Variants in ZFTA observed in about 807,000 individuals in gnomAD.
ZFTA encodes zinc finger translocation associated.
In ZFTA, 35 loss-of-function variants were observed where a neutral mutation model predicts 41.8. The observed-to-expected ratio is 0.84, with a 90% CI of 0.64 to 1.11. The LOEUF (loss-of-function observed/expected upper bound fraction) is 1.11, where lower values mean the gene tolerates loss of function less well. Ranked by LOEUF, ZFTA falls within the 50% of genes most tolerant of loss-of-function variation. The pLI is 0.00. For missense variants in ZFTA, 964 were observed against 989.8 expected, an observed-to-expected ratio of 0.97 and a Z score of 0.35; for synonymous variants, 514 against 436.4, an observed-to-expected ratio of 1.18 and a Z score of -2.22.
At position 63,765,116 on chromosome 11, in the gene ZFTA, C is replaced by G; in HGVS notation, c.776G>C (p.Arg259Thr). ...CCAGTTCTGCAGGGACTCCTTCAGC[C>G]TCCTCTCCAGGCGCCGGGCCCCCAG... ...RGLGARRLER[R>T]LKESLQNWFR... Residue 259 changes from arginine to threonine, a missense_variant, in exon 3 of 5, where the codon AGG becomes ACG. Transcript: ENST00000433688. This position sits in a 1 kb window ranked among gnomAD's most constrained non-coding sequence, Gnocchi z 4.0. The G allele has an allele frequency of 6.5e-7, 1 of 1,548,214 alleles. No homozygotes were observed. The highest frequency in any genetic ancestry group is 1.4e-5 in the African/African-American group (1 of 73,034).
chr11:63,765,023 C>T lies in ZFTA; in HGVS notation c.869G>A (p.Arg290Gln), dbSNP rs2014721619. 3 of 1,548,802 alleles carry T rather than the reference C, an allele frequency of 1.9e-6. No homozygotes were observed. The highest frequency in any genetic ancestry group is 1.2e-5 in the South Asian group (1 of 83,994). Residue 290 changes from arginine (R) to glutamine (Q), a missense_variant, in exon 3 of 5, where the codon CGG (arginine) becomes CAG (glutamine). Arg to Gln is a conservative substitution (Grantham distance 43). Around this residue, in one of 5 missense-constraint regions of ZFTA, gnomAD observed 584 missense variants for 523.1 expected, o/e 1.12. Coordinates refer to ENST00000433688, the MANE Select transcript of ZFTA (RefSeq NM_001144936.2). This position sits in a 1 kb window ranked among gnomAD's most constrained non-coding sequence, Gnocchi z 4.0. ...GNRLVCMACG[R>Q]ALPSLHLDDI... The stretch of plus-strand genomic sequence containing the variant: ...GTCCAGGTGCAGGCTGGGCAGTGCC[C>T]GGCCACAGGCCATGCACACCAGCCG...
chr11:63,764,021 C>G lies in ZFTA; in HGVS notation c.1585+17G>C. On this transcript the variant is annotated intron_variant, in intron 4 of 4. Coordinates refer to ENST00000433688, the MANE Select transcript of ZFTA (RefSeq NM_001144936.2). ...GCCCGGCTCTCCCTCTCCGCCTGCT[C>G]TGGCCCCACCGCTCACCCCACTCCT... 1 of 1,319,744 alleles carries G rather than the reference C, an allele frequency of 7.6e-7. No individual in the cohort carries two copies. Among genetic ancestry groups the G allele is most frequent in the South Asian group, 1.8e-5 (1 of 54,608 alleles). 81.8% of individuals were successfully genotyped at this position (1,319,744 alleles called of 1,614,324 possible).
rs1047109729 is a variant in ZFTA, at chr11:63,764,586, G to C, written c.1037C>G (p.Ala346Gly). The change falls in exon 4 of 5, where the codon GCC becomes GGC. Residue 346 changes from alanine to glycine, a missense_variant. Coordinates refer to ENST00000433688, the MANE Select transcript of ZFTA (RefSeq NM_001144936.2). ...GCTCTTTCCGGTCAGGTCCTGGGGG[G>C]CGAGGTCATCGCCTGTTGGGGAAGG... ...LTQSPPGDDL[A>G]PQDLTGKSRD... 8.0e-7 allele frequency: 1 copy of C among 1,255,908 alleles called. No individual in the cohort carries two copies. The highest frequency in any genetic ancestry group is 1.0e-6 in the Non-Finnish European group (1 of 997,278). 77.8% of individuals were successfully genotyped at this position (1,255,908 alleles called of 1,614,324 possible).
Position 63,760,808 on chromosome 11 carries a change from C to G in ZFTA, c.*2610G>C, listed in dbSNP as rs531115666. 6 of 152,340 alleles carry G rather than the reference C, an allele frequency of 3.9e-5. No individual in the cohort carries two copies. The South Asian group carries it at 1.0e-3, about 26-fold the overall frequency. The allele number at this position is 152,340 out of a possible 1,614,324, so 9.4% of individuals were successfully genotyped here. ...CTAGGCCCCAACCAAGTTTCTGATTCAGTAACCCTGGGGTATGGCCCAAGA... is the reference window on the plus strand; with the variant it reads ...CTAGGCCCCAACCAAGTTTCTGATTGAGTAACCCTGGGGTATGGCCCAAGA... On this transcript the variant is annotated 3_prime_UTR_variant, in exon 5 of 5. Coordinates refer to ENST00000433688, the MANE Select transcript of ZFTA (RefSeq NM_001144936.2).
At chr11:63,767,918 G>T (rs1480068288) in intron 1 of ZFTA, among the ~76,000 whole-genome samples, 1 of 152,178 alleles carries the variant, frequency 6.6e-6, no homozygotes, top group East Asian at 1.9e-4. Context: ...GGGAAAAGAT[G>T]GTGTGGGCCC....
In ZFTA at chr11:63,763,495, C is replaced by A. The variant is rs2014686272; in HGVS notation, c.1960G>T (p.Glu654Ter). The change falls in exon 5 of 5, where the codon GAG (glutamate) becomes TAG (stop). Residue 654 changes from glutamate (E) to a stop codon, truncating the protein, a stop_gained. Transcript: ENST00000433688. LOFTEE classifies it high-confidence loss of function. ...EEAALRCYGH[E>*]GFGPPAPAPR... is the part of the protein sequence containing the mutation. The stretch of plus-strand genomic sequence containing the variant: ...GCCGGGGCGGGCGGCCCGAAGCCCT[C>A]GTGGCCGTAGCAGCGCAGCGCCGCC... 2.6e-6 allele frequency: 4 copies of A among 1,532,968 alleles called. No individual in the cohort carries two copies. Among genetic ancestry groups the A allele is most frequent in the Non-Finnish European group, 3.5e-6 (4 of 1,137,928 alleles). The allele number at this position is 1,532,968 out of a possible 1,614,324, so 95.0% of individuals were successfully genotyped here.
At chr11:63,764,653 G>C in intron 3 of ZFTA, 55 bp from the exon 4 acceptor site, 1 of 1,269,496 alleles carries the variant, frequency 7.9e-7, no homozygotes, top group East Asian at 3.1e-5. Flanking sequence ...GGTTGCCCTT[G>C]CCCACTCAGA....
Position 63,765,717 on chromosome 11 carries a change from A to C in ZFTA, c.637+90T>G. 6.3e-6 allele frequency: 9 copies of C among 1,417,576 alleles called. No homozygotes were observed. The highest frequency in any genetic ancestry group is 8.3e-6 in the Non-Finnish European group (9 of 1,087,742). The allele number at this position is 1,417,576 out of a possible 1,614,324, so 87.8% of individuals were successfully genotyped here. ...CAGAGGAGGAGCAGTGCCTTGCTCA[A>C]GAACACCAGCTCCTTGGCAGAGCAG... On this transcript the variant is annotated intron_variant, in intron 2 of 4. Coordinates refer to ENST00000433688, the MANE Select transcript of ZFTA (RefSeq NM_001144936.2). This position sits in a 1 kb window ranked among gnomAD's most constrained non-coding sequence, Gnocchi z 4.0.
chr11:63,763,672 C>A lies in ZFTA; in HGVS notation c.1783G>T (p.Gly595Cys). The A allele has an allele frequency of 6.5e-7, 1 of 1,541,770 alleles. No homozygotes were observed. The highest frequency in any genetic ancestry group is 8.7e-7 in the Non-Finnish European group (1 of 1,142,896). Residue 595 changes from glycine to cysteine, a missense_variant, in exon 5 of 5, where the codon GGC (glycine) becomes TGC (cysteine). Gly to Cys is a radical substitution (Grantham distance 159). Transcript: ENST00000433688. ...ATACACACCAGGCCGCGCCGGCTGC[C>A]GTCGTAGTCCATCAGGTACTCGCCC... ...WRGEYLMDYDGSRRGLVCMVC... is the reference protein window; with the variant it reads ...WRGEYLMDYDCSRRGLVCMVC...
rs2014733433 is a variant in ZFTA at position 63,765,723 on chromosome 11, C to T, written c.637+84G>A. Reference sequence around the variant, plus strand: ...AGGAGCAGTGCCTTGCTCAAGAACACCAGCTCCTTGGCAGAGCAGCTGGCC... The same window carrying T: ...AGGAGCAGTGCCTTGCTCAAGAACATCAGCTCCTTGGCAGAGCAGCTGGCC... On this transcript the variant is annotated intron_variant, in intron 2 of 4. Coordinates refer to ENST00000433688, the MANE Select transcript of ZFTA (RefSeq NM_001144936.2). The surrounding 1 kb of genome is among the most constrained non-coding windows in gnomAD (Gnocchi z 4.0). 1 of 1,420,608 alleles carries T rather than the reference C, an allele frequency of 7.0e-7. No homozygotes were observed. Among genetic ancestry groups the T allele is most frequent in the East Asian group, 2.6e-5 (1 of 38,932 alleles). The allele number at this position is 1,420,608 out of a possible 1,614,324, so 88.0% of individuals were successfully genotyped here.
chr11:63,764,041 ACTC>A lies in ZFTA; in HGVS notation c.1579_1581del (p.Glu527del), dbSNP rs747555071. 2,641 of 1,265,576 alleles carry A rather than the reference ACTC, an allele frequency of 2.1e-3. No individual in the cohort carries two copies. Among genetic ancestry groups the A allele is most frequent in the South Asian group, 4.4e-3 (203 of 46,260 alleles). The allele number at this position is 1,265,576 out of a possible 1,614,324, so 78.4% of individuals were successfully genotyped here. On this transcript the variant is annotated inframe_deletion, in exon 4 of 5. Coordinates refer to ENST00000433688, the MANE Select transcript of ZFTA (RefSeq NM_001144936.2). Reference sequence around the variant, plus strand: ...CTGCTCTGGCCCCACCGCTCACCCCACTCCTCCTCCTCCTCCTCTGGCTCCTCC... The same window carrying A: ...CTGCTCTGGCCCCACCGCTCACCCCACTCCTCCTCCTCCTCTGGCTCCTCC...
Position 63,765,378 on chromosome 11 carries a change from T to A in ZFTA, c.638-124A>T. 8.8e-7 allele frequency: 1 copy of A among 1,130,380 alleles called. No individual in the cohort carries two copies. Among genetic ancestry groups the A allele is most frequent in the Non-Finnish European group, 1.2e-6 (1 of 843,186 alleles). The allele number at this position is 1,130,380 out of a possible 1,614,324, so 70.0% of individuals were successfully genotyped here. The stretch of plus-strand genomic sequence containing the variant: ...GGCCTAACCTTTGCCCTTCTCTTCC[T>A]CTCTCCTGAAATCCTAACTCCCTAA... On this transcript the variant is annotated intron_variant, in intron 2 of 4. Transcript: ENST00000433688. The surrounding 1 kb of genome is among the most constrained non-coding windows in gnomAD (Gnocchi z 4.0).
In ZFTA at chr11:63,768,544, C is replaced by A; in HGVS notation, c.79G>T (p.Gly27Cys). The A allele has an allele frequency of 8.7e-6, 10 of 1,146,168 alleles. No individual in the cohort carries two copies. Among genetic ancestry groups the A allele is most frequent in the Non-Finnish European group, 1.1e-5 (10 of 929,996 alleles). The allele number at this position is 1,146,168 out of a possible 1,614,324, so 71.0% of individuals were successfully genotyped here. A position where few individuals can be genotyped will look rare whatever the true frequency, so the allele number is the denominator to read the frequency against. ...GPGPAVASARGRRLPPAGSSG... is the reference protein window; with the variant it reads ...GPGPAVASARCRRLPPAGSSG... ...GATCCGGCGGGCGGCAGCCGTCGGC[C>A]CCGTGCCGAGGCCACTGCTGGCCCG... is the stretch of plus-strand genomic sequence containing the variant. The change falls in exon 1 of 5, where the codon GGC becomes TGC. Residue 27 changes from glycine (G) to cysteine (C), a missense_variant. By Grantham distance (159) the Gly-to-Cys change is radical. Transcript: ENST00000433688.
chr11:63,765,261 G>C lies in ZFTA; in HGVS notation c.638-7C>G. 6.9e-7 allele frequency: 1 copy of C among 1,443,416 alleles called. No homozygotes were observed. The highest frequency in any genetic ancestry group is 9.0e-7 in the Non-Finnish European group (1 of 1,105,164). The allele number at this position is 1,443,416 out of a possible 1,614,324, so 89.4% of individuals were successfully genotyped here. ...CCACCAGCTGGGGCTTTGCCTGAAA[G>C]GGTTGGAGGGAAGGAACTGAGACGC... On this transcript the variant is annotated splice_polypyrimidine_tract_variant and splice_region_variant and intron_variant, in intron 2 of 4. Coordinates refer to ENST00000433688, the MANE Select transcript of ZFTA (RefSeq NM_001144936.2). This position sits in a 1 kb window ranked among gnomAD's most constrained non-coding sequence, Gnocchi z 4.0.
intron 1 of ZFTA, among the ~76,000 whole-genome samples, chr11:63,768,238 C>T (rs1416005728): frequency 6.6e-6 from 1 of 151,192 alleles, no homozygotes; most frequent in Non-Finnish European, 1.5e-5. Flanking sequence ...AGGCGGGGCG[C>T]TGCGGGCGGC....
In ZFTA at chr11:63,764,266, T is replaced by C. The variant is rs2014706509; in HGVS notation, c.1357A>G (p.Thr453Ala). The C allele has an allele frequency of 2.7e-6, 4 of 1,462,510 alleles. No homozygotes were observed. Among genetic ancestry groups the C allele is most frequent in the South Asian group, 1.3e-5 (1 of 76,536 alleles). The allele number at this position is 1,462,510 out of a possible 1,614,324, so 90.6% of individuals were successfully genotyped here. ...CGCCGGCGGATGTGGCGCTCGATGG[T>C]GCTCATCTTGAGCGAGGCCAGCGCG... ...GGALASLKMS[T>A]IERHIRRRHP... The change falls in exon 4 of 5, where the codon ACC (threonine) becomes GCC (alanine). Residue 453 changes from threonine (T) to alanine (A), a missense_variant. Physicochemically the swap from Thr to Ala is moderately conservative, Grantham distance 58 (BLOSUM62 0). Coordinates refer to ENST00000433688, the MANE Select transcript of ZFTA (RefSeq NM_001144936.2).
Position 63,764,204 on chromosome 11 carries a change from C to T in ZFTA, c.1419G>A (p.Gln473=), listed in dbSNP as rs1181889529. ...PGSTRLGGPV[Q]ALIAREWSEK... Reference sequence around the variant, plus strand: ...CGCTCCACTCCCGGGCGATGAGGGCCTGGACAGGCCCGCCGAGGCGCGTGG... The same window carrying T: ...CGCTCCACTCCCGGGCGATGAGGGCTTGGACAGGCCCGCCGAGGCGCGTGG... The change falls in exon 4 of 5, where the codon CAG becomes CAA. Residue 473 remains glutamine, a synonymous_variant. Coordinates refer to ENST00000433688, the MANE Select transcript of ZFTA (RefSeq NM_001144936.2). 1 of 1,411,622 alleles carries T rather than the reference C, an allele frequency of 7.1e-7. No homozygotes were observed. 87.4% of individuals were successfully genotyped at this position (1,411,622 alleles called of 1,614,324 possible).
chr11:63,763,896 G>A (rs1185721482), intron 4 of ZFTA, 27 bp from the exon 5 acceptor site: 1 of 1,411,302 alleles, frequency 7.1e-7, no homozygotes, highest in Non-Finnish European at 9.2e-7. Context: ...GACCGCATTG[G>A]CGACGGCGGG....
At position 63,766,015 on chromosome 11, in the gene ZFTA, G is replaced by A; in HGVS notation, c.429C>T (p.Arg143=). 1 of 1,551,500 alleles carries A rather than the reference G, an allele frequency of 6.4e-7. No homozygotes were observed. The highest frequency in any genetic ancestry group is 8.7e-7 in the Non-Finnish European group (1 of 1,146,886). The change falls in exon 2 of 5, where the codon CGC becomes CGT. Residue 143 remains arginine, a synonymous_variant. Transcript: ENST00000433688. ...AGTAGGGGTGCTTTTGGCGGATGTGGCGCTTGATGGTGCTGAGCTTGAGGG... is the reference window on the plus strand; with the variant it reads ...AGTAGGGGTGCTTTTGGCGGATGTGACGCTTGATGGTGCTGAGCTTGAGGG... The part of the protein sequence containing the change: ...LATLKLSTIK[R]HIRQKHPYSL...
Sources: gnomAD v4.1 joint callset for allele counts (sites outside exome capture counted in the v4.1 genomes callset) on GRCh38, gnomAD v4.1.1 for gene constraint, gnomAD v4.1.1 regional missense constraint, Gnocchi (gnomAD v3.1) non-coding constraint, MANE v1.5 for transcripts, NCBI Gene and HGNC (gene_info 2026-07-23, HGNC 2026-07-21) for gene names.